Variants in SMYD3 observed in about 807,000 individuals in gnomAD.
SMYD3 encodes the protein SET and MYND domain containing 3.
In SMYD3, 36 loss-of-function variants were observed where a neutral mutation model predicts 57.7. The ratio of observed to expected loss-of-function variants is 0.62; its 90% CI spans 0.48 to 0.82. The LOEUF is 0.82. SMYD3 is among the 40% of genes least tolerant of loss of function. The pLI, the probability that SMYD3 is intolerant of heterozygous loss-of-function variation, is 0.00. For synonymous variants in SMYD3, 211 were observed against 195.0 expected (o/e 1.08, Z -0.68); for missense variants, 515 against 538.8 (o/e 0.96, Z 0.44).
chr1:246,444,260 G>T (rs1191292851), intron 1 of SMYD3, among the ~76,000 whole-genome samples: 1 of 152,066 alleles, frequency 6.6e-6, no homozygotes, highest in South Asian at 2.1e-4. Context: ...CAAGTAGTTG[G>T]GATTACAGGC....
intron 1 of SMYD3, among the ~76,000 whole-genome samples, chr1:246,400,106 G>C (rs1168638901): frequency 2.6e-5 from 4 of 152,078 alleles, no homozygotes; most frequent in Non-Finnish European, 4.4e-5. Context: ...ATATATTTCA[G>C]ATATATAATC....
At chr1:245,959,334 G>A (rs893231411) in intron 5 of SMYD3, among the ~76,000 whole-genome samples, 6 of 152,148 alleles carry the variant, frequency 3.9e-5, no homozygotes, top group African/African-American at 9.7e-5. Context: ...GTTATTCTAC[G>A]GCTCCCGACA....
chr1:245,793,288 G>A (rs1435646974), intron 10 of SMYD3, among the ~76,000 whole-genome samples: 2 of 151,282 alleles, frequency 1.3e-5, no homozygotes, highest in African/African-American at 2.4e-5. Flanking sequence ...CAGCTTGGGC[G>A]AGACTCCGTC....
chr1:246,184,932 C>G lies in SMYD3; in HGVS notation c.531+142269G>C, dbSNP rs535425155. Among the ~76,000 whole-genome samples the G allele has an allele frequency of 7.2e-5, 11 of 152,276 alleles. No individual in the cohort carries two copies. The South Asian group carries it at 2.1e-3, about 29-fold the overall frequency. On this transcript the variant is annotated intron_variant, in intron 5 of 11. Transcript: ENST00000490107. ...GTACCCTGAGGTGGCTCAGACATAC[C>G]TACCACATTGATGCTTAATAGTGAC...
chr1:246,034,074 A>C lies in SMYD3; in HGVS notation c.532-104137T>G, dbSNP rs576263968. ...ATTTAAAAATTATTACGTATATGAAAAATTGCCTAGCACAGACAGTTCTTG... is the reference window on the plus strand; with the variant it reads ...ATTTAAAAATTATTACGTATATGAACAATTGCCTAGCACAGACAGTTCTTG... On this transcript the variant is annotated intron_variant, in intron 5 of 11. Coordinates refer to ENST00000490107, the MANE Select transcript of SMYD3 (RefSeq NM_001167740.2). Among the ~76,000 whole-genome samples the C allele has an allele frequency of 1.4e-3, 217 of 152,350 alleles. 1 individual carries two copies. The highest frequency in any genetic ancestry group is 5.0e-3 in the African/African-American group (209 of 41,588).
At chr1:246,440,505 C>G (rs891636657) in intron 1 of SMYD3, among the ~76,000 whole-genome samples, 5 of 151,956 alleles carry the variant, frequency 3.3e-5, no homozygotes, top group African/African-American at 1.2e-4. Flanking sequence ...ATAATCATGA[C>G]AGTATATTTT....
At chr1:246,454,391 G>A (rs1455614146) in intron 1 of SMYD3, among the ~76,000 whole-genome samples, 1 of 152,106 alleles carries the variant, frequency 6.6e-6, no homozygotes, top group Non-Finnish European at 1.5e-5. Context: ...AAACAAACAT[G>A]AAGAGAATAC....
intron 5 of SMYD3, among the ~76,000 whole-genome samples, chr1:245,954,686 TA>T (rs1484566754): frequency 6.6e-6 from 1 of 152,166 alleles, no homozygotes; most frequent in Admixed American, 6.5e-5. Context: ...TGTCGCAAAT[TA>T]AATTTTAAAA....
rs189102422 is a variant in SMYD3, at chr1:246,322,707, T to C, written c.531+4494A>G. ...TCAGCCACACACTCCCCAGGGAACA[T>C]ACAATCTAAGTTTTTTAAAAAAAAC... On this transcript the variant is annotated intron_variant, in intron 5 of 11. Transcript: ENST00000490107. Among the ~76,000 whole-genome samples, 393 of 152,202 alleles carry C rather than the reference T, an allele frequency of 2.6e-3. 1 individual carries two copies. Among genetic ancestry groups the C allele is most frequent in the Admixed American group, 4.2e-3 (64 of 15,294 alleles).
chr1:245,891,272 A>G (rs1439114213), intron 8 of SMYD3, among the ~76,000 whole-genome samples: 1 of 152,208 alleles, frequency 6.6e-6, no homozygotes, highest in African/African-American at 2.4e-5. Flanking sequence ...GGCAATGGAT[A>G]CCCCATTTAT....
At chr1:246,448,229 T>C (rs1473123314) in intron 1 of SMYD3, among the ~76,000 whole-genome samples, 1 of 152,036 alleles carries the variant, frequency 6.6e-6, no homozygotes, top group East Asian at 1.9e-4. Flanking sequence ...AAAAAAATAA[T>C]AACATAATCT....
intron 10 of SMYD3, among the ~76,000 whole-genome samples, chr1:245,845,690 C>G (rs1463855580): frequency 2.0e-5 from 3 of 152,242 alleles, no homozygotes; most frequent in Admixed American, 6.5e-5. Context: ...TTGCAAAGCT[C>G]AATCCCCAGT....
intron 5 of SMYD3, among the ~76,000 whole-genome samples, chr1:246,288,062 CTTTTTTTTTTTTTTTTTTT>C (rs67603439): frequency 1.6e-5 from 1 of 64,216 alleles, no homozygotes; most frequent in Non-Finnish European, 2.8e-5. Flanking sequence ...TCAGGTAATT[CTTTTTTTTTTTTTTTTTTT>C]TTTTTTTTTT....
At chr1:246,235,736 TG>T (rs1206460213) in intron 5 of SMYD3, among the ~76,000 whole-genome samples, 1 of 152,136 alleles carries the variant, frequency 6.6e-6, no homozygotes, top group Non-Finnish European at 1.5e-5. Context: ...AGGGGAGGGC[TG>T]GGGAAAGAGC....
intron 5 of SMYD3, among the ~76,000 whole-genome samples, chr1:245,963,677 A>G (rs1021960306): frequency 6.6e-6 from 1 of 152,232 alleles, no homozygotes; most frequent in Non-Finnish European, 1.5e-5. Flanking sequence ...AAAAAAGAAA[A>G]AGAAAAAAAC....
intron 10 of SMYD3, among the ~76,000 whole-genome samples, chr1:245,765,294 C>T (rs113121698): frequency 7.9e-4 from 119 of 151,170 alleles, no homozygotes; most frequent in African/African-American, 2.5e-3. Context: ...CTACCTAGGA[C>T]GCTGAGGTGG....
intron 5 of SMYD3, among the ~76,000 whole-genome samples, chr1:245,949,825 A>AAC (rs2057559888): frequency 1.1e-4 from 10 of 93,296 alleles, no homozygotes; most frequent in Non-Finnish European, 1.7e-4. Flanking sequence ...AAAGAAACCC[A>AAC]CCCCCCCCAC....
chr1:246,499,407 C>T (rs1305893950), intron 1 of SMYD3, among the ~76,000 whole-genome samples: 1 of 56,326 alleles, frequency 1.8e-5, no homozygotes, highest in African/African-American at 3.7e-5. Flanking sequence ...AATATACACA[C>T]ACACACACAC....
intron 10 of SMYD3, among the ~76,000 whole-genome samples, chr1:245,792,963 C>T (rs2047338758): frequency 6.6e-6 from 1 of 152,114 alleles, no homozygotes; most frequent in Non-Finnish European, 1.5e-5. Context: ...CTGATAAAGC[C>T]TTGAGTTTCA....
Sources: allele counts gnomAD v4.1 joint callset (sites outside exome capture counted in the v4.1 genomes callset), GRCh38; gene constraint gnomAD v4.1.1; transcripts MANE v1.5; gene names NCBI Gene and HGNC (gene_info 2026-07-23, HGNC 2026-07-21).